ZNF626: variants seen among roughly 807,000 people sequenced by gnomAD.
The protein encoded by ZNF626 is zinc finger protein 626, also known as CTC-513N18.7.
Under a neutral mutation model 11.7 loss-of-function variants are expected in ZNF626, and 4 were observed. The ratio of observed to expected loss-of-function variants is 0.34; its 90% CI spans 0.17 to 0.78. The LOEUF (loss-of-function observed/expected upper bound fraction) is 0.78. ZNF626 is among the 30% of genes least tolerant of loss of function. The pLI, the probability that ZNF626 is intolerant of heterozygous loss-of-function variation, is 0.57. For synonymous variants in ZNF626, 179 were observed against 198.6 expected, an observed-to-expected ratio of 0.90 and a Z score of 0.83; for missense variants, 588 against 587.1, an observed-to-expected ratio of 1.00 and a Z score of -0.01.
chr19:20,655,766 C>G (rs1568462534), intron 1 of ZNF626, among the ~76,000 whole-genome samples: 1 of 151,122 alleles, frequency 6.6e-6, no homozygotes, highest in Admixed American at 6.6e-5. Flanking sequence ...ACTAAAAATA[C>G]AAAAAAAAGA....
rs372145810 is a variant in ZNF626, at chr19:20,659,932, T to C, written c.3+1512A>G. 1.4e-4 allele frequency among the ~76,000 whole-genome samples: 21 copies of C among 152,072 alleles called. 1 individual carries two copies. In the South Asian group the frequency reaches 4.2e-3, roughly 30 times the overall value. On this transcript the variant is annotated intron_variant, in intron 1 of 3. Transcript: ENST00000601440. ...GGCTGGGGTGAGCAGTCTTGAGATA[T>C]CCGCAAGGGAGACTCCCCAGAAAAA...
chr19:20,625,498 T>A lies in ZNF626; in HGVS notation c.379A>T (p.Lys127Ter), dbSNP rs782597392. ...CISVDECKVH[K>*]EGYNELNQCL... The stretch of plus-strand genomic sequence containing the variant: ...TGGTTAAGTTCATTATAACCTTCTT[T>A]GTGCACCTTACACTCATCCACACTT... Residue 127 changes from lysine (K) to a stop codon, truncating the protein, a stop_gained, in exon 4 of 4, where the codon AAA (lysine) becomes TAA (stop). Transcript: ENST00000601440. LOFTEE classifies it low-confidence loss of function (END_TRUNC). 1.9e-6 allele frequency: 3 copies of A among 1,614,064 alleles called. No individual in the cohort carries two copies. The South Asian group carries it at 3.3e-5, about 18-fold the overall frequency.
At chr19:20,654,112 G>C (rs1970178180) in intron 1 of ZNF626, among the ~76,000 whole-genome samples, 1 of 152,116 alleles carries the variant, frequency 6.6e-6, no homozygotes, top group Non-Finnish European at 1.5e-5. Flanking sequence ...TAATGAACTA[G>C]TCATAATGTA....
rs1555771774 is a variant in ZNF626, at chr19:20,645,248, AC to A, written c.226+435del. ...CAGAATGGACTGTGCAGAAAAATGAACAAAAAAAAATTCAACAGAAACTATT... is the reference window on the plus strand; with the variant it reads ...CAGAATGGACTGTGCAGAAAAATGAAAAAAAAAAATTCAACAGAAACTATT... On this transcript the variant is annotated intron_variant, in intron 3 of 3. Coordinates refer to ENST00000601440, the MANE Select transcript of ZNF626 (RefSeq NM_001076675.3). The A allele has an allele frequency of 3.5e-6, 5 of 1,412,540 alleles. No homozygotes were observed. The African/African-American group carries it at 5.9e-5, about 17-fold the overall frequency. 87.5% of individuals were successfully genotyped at this position (1,412,540 alleles called of 1,614,324 possible).
In ZNF626 at chr19:20,655,766, C is replaced by CA. The variant is rs1282932084; in HGVS notation, c.3+5677dup. ...TGAAACCCCGTCTCTACTAAAAATA[C>CA]AAAAAAAAGAACAAAAAAATTAGCT... On this transcript the variant is annotated intron_variant, in intron 1 of 3. Coordinates refer to ENST00000601440, the MANE Select transcript of ZNF626 (RefSeq NM_001076675.3). Among the ~76,000 whole-genome samples the CA allele has an allele frequency of 6.1e-4, 93 of 151,234 alleles. 1 individual carries two copies. Among genetic ancestry groups the CA allele is most frequent in the Admixed American group, 1.5e-3 (22 of 15,162 alleles).
chr19:20,638,254 C>G (rs1969986892), intron 3 of ZNF626, among the ~76,000 whole-genome samples: 1 of 151,992 alleles, frequency 6.6e-6, no homozygotes. Flanking sequence ...GAAACCCTGT[C>G]TCTACTAAAA....
At chr19:20,637,505 G>C in intron 3 of ZNF626, among the ~76,000 whole-genome samples, 1 of 139,598 alleles carries the variant, frequency 7.2e-6, no homozygotes, top group South Asian at 2.3e-4. Context: ...AAAAAATTCT[G>C]CCTAAATTTG....
At chr19:20,645,278 C>T (rs1555771779) in intron 3 of ZNF626, 2 of 1,488,384 alleles carry the variant, frequency 1.3e-6, no homozygotes, top group African/African-American at 1.5e-5. Flanking sequence ...AACTATTACT[C>T]TCAGACATTT....
intron 3 of ZNF626, among the ~76,000 whole-genome samples, chr19:20,627,294 T>C (rs1208921160): frequency 1.3e-5 from 2 of 149,864 alleles, no homozygotes; most frequent in African/African-American, 5.0e-5. Flanking sequence ...AGAAGAGAAT[T>C]TTAGGAGCTG....
intron 1 of ZNF626, among the ~76,000 whole-genome samples, chr19:20,653,259 C>T (rs183942570): frequency 6.6e-6 from 1 of 152,084 alleles, no homozygotes; most frequent in African/African-American, 2.4e-5. Context: ...TTCTCCAGCC[C>T]CAGAGAAACT....
chr19:20,661,364 C>G, intron 1 of ZNF626, 80 bp downstream of exon 1: 1 of 1,584,072 alleles, frequency 6.3e-7, no homozygotes, highest in Non-Finnish European at 8.7e-7. Context: ...TGCGGGGAGG[C>G]CTGAGTCCCG....
Position 20,625,111 on chromosome 19 carries a change from G to A in ZNF626, c.766C>T (p.Pro256Ser), listed in dbSNP as rs267605381. 6.2e-7 allele frequency: 1 copy of A among 1,613,050 alleles called. No individual in the cohort carries two copies. The highest frequency in any genetic ancestry group is 8.5e-7 in the Non-Finnish European group (1 of 1,179,752). Residue 256 changes from proline to serine, a missense_variant, in exon 4 of 4, where the codon CCC becomes TCC. Around this residue, in one of 4 missense-constraint regions of ZNF626, gnomAD observed 524 missense variants for 470.1 expected, o/e 1.11. Coordinates refer to ENST00000601440, the MANE Select transcript of ZNF626 (RefSeq NM_001076675.3). Reference protein sequence around the residue: ...THKRNHTGEKPYKCDKCGKAF... With the variant: ...THKRNHTGEKSYKCDKCGKAF... Reference sequence around the variant, plus strand: ...TTGCCACATTTATCACACTTGTAGGGTTTCTCTCCAGTATGATTTCTCTTA... The same window carrying A: ...TTGCCACATTTATCACACTTGTAGGATTTCTCTCCAGTATGATTTCTCTTA...
rs1969771194 is a variant in ZNF626 at position 20,622,699 on chromosome 19, T to C, written c.*1591A>G. On this transcript the variant is annotated 3_prime_UTR_variant, in exon 4 of 4. Transcript: ENST00000601440. ...ATATACTAATTTATACAAACTTATATACAAATTTAACAACTTTAGTTGTGA... is the reference window on the plus strand; with the variant it reads ...ATATACTAATTTATACAAACTTATACACAAATTTAACAACTTTAGTTGTGA... 1.3e-5 allele frequency: 2 copies of C among 152,234 alleles called. No homozygotes were observed. Among genetic ancestry groups the C allele is most frequent in the Non-Finnish European group, 1.5e-5 (1 of 68,032 alleles). 9.4% of individuals were successfully genotyped at this position (152,234 alleles called of 1,614,324 possible).
intron 1 of ZNF626, 25 bp downstream of exon 1, chr19:20,661,419 C>G: frequency 6.2e-7 from 1 of 1,613,806 alleles, no homozygotes; most frequent in African/African-American, 1.3e-5. Context: ...TCTCCTCTCT[C>G]GGGATGTCGG....
chr19:20,620,950 C>G lies in ZNF626; in HGVS notation c.*3340G>C, dbSNP rs576898523. The stretch of plus-strand genomic sequence containing the variant: ...TGCCTCCTGGGTTACACCATTCTCC[C>G]GCCTCAGCCTCTGGAGTAGCTGGGA... On this transcript the variant is annotated 3_prime_UTR_variant, in exon 4 of 4. Transcript: ENST00000601440. 6.6e-6 allele frequency: 1 copy of G among 152,286 alleles called. No homozygotes were observed. Among genetic ancestry groups the G allele is most frequent in the Non-Finnish European group, 1.5e-5 (1 of 68,366 alleles). 9.4% of individuals were successfully genotyped at this position (152,286 alleles called of 1,614,324 possible). A position where few individuals can be genotyped will look rare whatever the true frequency, so the allele number is the denominator to read the frequency against.
Position 20,624,080 on chromosome 19 carries a change from T to C in ZNF626, c.*210A>G, listed in dbSNP as rs1969788648. ...AGGTGTGAGGATAGGTGAAAAGCTT[T>C]ACCACATTATTCACATCTGTAGGGT... On this transcript the variant is annotated 3_prime_UTR_variant, in exon 4 of 4. Coordinates refer to ENST00000601440, the MANE Select transcript of ZNF626 (RefSeq NM_001076675.3). The C allele has an allele frequency of 1.2e-6, 1 of 865,792 alleles. No homozygotes were observed. The highest frequency in any genetic ancestry group is 2.0e-6 in the Non-Finnish European group (1 of 511,408). 53.6% of individuals were successfully genotyped at this position (865,792 alleles called of 1,614,324 possible). A position where few individuals can be genotyped will look rare whatever the true frequency, so the allele number is the denominator to read the frequency against.
At chr19:20,628,108 C>G (rs1969861528) in intron 3 of ZNF626, among the ~76,000 whole-genome samples, 1 of 152,144 alleles carries the variant, frequency 6.6e-6, no homozygotes, top group African/African-American at 2.4e-5. Flanking sequence ...AGGACATGAA[C>G]TCATCATTTT....
chr19:20,629,174 T>A (rs1969874339), intron 3 of ZNF626, among the ~76,000 whole-genome samples: 1 of 152,208 alleles, frequency 6.6e-6, no homozygotes, highest in African/African-American at 2.4e-5. Context: ...CATGCTGTTT[T>A]GGTTACTGTA....
intron 3 of ZNF626, among the ~76,000 whole-genome samples, chr19:20,626,224 T>C (rs1310619548): frequency 1.3e-5 from 2 of 152,038 alleles, no homozygotes; most frequent in Non-Finnish European, 2.9e-5. Context: ...ATTCCCAGAA[T>C]CTCTAGTTAA....
Sources: gnomAD v4.1 joint callset for allele counts (sites outside exome capture counted in the v4.1 genomes callset) on GRCh38, gnomAD v4.1.1 for gene constraint, gnomAD v4.1.1 regional missense constraint, MANE v1.5 for transcripts, NCBI Gene and HGNC (gene_info 2026-07-23, HGNC 2026-07-21) for gene names.